KIAA0753: variants seen among roughly 807,000 people sequenced by gnomAD.
The protein encoded by KIAA0753 is KIAA0753, also known as protein moonraker.
Under a neutral mutation model 116.9 loss-of-function variants are expected in KIAA0753, and 114 were observed. The ratio of observed to expected loss-of-function variants is 0.98; its 90% CI spans 0.84 to 1.14. The LOEUF is 1.14. KIAA0753 is among the 50% of genes most tolerant of loss of function. KIAA0753 has a pLI of 0.00. For synonymous variants in KIAA0753, 405 were observed against 413.1 expected (o/e 0.98, Z 0.24); for missense variants, 1,156 against 1,172.4 (o/e 0.99, Z 0.20).
chr17:6,610,021 G>C lies in KIAA0753; in HGVS notation c.1685C>G (p.Pro562Arg). ...TTTAGGAGACGCTGGTGGGGATGTGGGGTTTGGGGGTATCCATGGTGCCTT... is the reference window on the plus strand; with the variant it reads ...TTTAGGAGACGCTGGTGGGGATGTGCGGTTTGGGGGTATCCATGGTGCCTT... ...DRKAPWIPPN[P>R]TSPPASPKCA... Residue 562 changes from proline (P) to arginine (R), a missense_variant, in exon 9 of 19, where the codon CCC becomes CGC. Pro to Arg is a moderately radical substitution (Grantham distance 103). Coordinates refer to ENST00000361413, the MANE Select transcript of KIAA0753 (RefSeq NM_014804.3). The C allele has an allele frequency of 6.2e-7, 1 of 1,614,084 alleles. No homozygotes were observed. The highest frequency in any genetic ancestry group is 8.5e-7 in the Non-Finnish European group (1 of 1,179,980).
intron 7 of KIAA0753, among the ~76,000 whole-genome samples, chr17:6,614,032 T>C (rs111306369): frequency 2.0e-5 from 3 of 152,054 alleles, no homozygotes; most frequent in South Asian, 2.1e-4. Context: ...AATAGAGAAA[T>C]AGACAAAGAA....
intron 9 of KIAA0753, among the ~76,000 whole-genome samples, chr17:6,609,670 C>T (rs528352652): frequency 1.3e-5 from 2 of 152,264 alleles, no homozygotes; most frequent in Admixed American, 6.5e-5. Flanking sequence ...ATAAAAAAGA[C>T]ACAGTCCCTG....
At chr17:6,583,767 GCA>G (rs1381244371) in intron 18 of KIAA0753, among the ~76,000 whole-genome samples, 1 of 152,046 alleles carries the variant, frequency 6.6e-6, no homozygotes, top group East Asian at 1.9e-4. Context: ...AATGCACTAG[GCA>G]CAGTTATTTT....
intron 16 of KIAA0753, among the ~76,000 whole-genome samples, chr17:6,594,053 ACTAAT>A (rs1654713325): frequency 6.6e-6 from 1 of 152,206 alleles, no homozygotes; most frequent in Non-Finnish European, 1.5e-5. Context: ...TTAAACACAA[ACTAAT>A]CTAATGATCT....
intron 2 of KIAA0753, among the ~76,000 whole-genome samples, chr17:6,629,996 C>T (rs1971922066): frequency 6.6e-6 from 1 of 152,080 alleles, no homozygotes; most frequent in Admixed American, 6.6e-5. Flanking sequence ...ATGGCACATG[C>T]CTGTAATCCC....
At position 6,624,857 on chromosome 17, in the gene KIAA0753, T is replaced by C; in HGVS notation, c.723A>G (p.Arg241=). ...CATCTGGATCCAAAGCTTCTTCTAGTCTATCTGAAAATATTAATAGTTTTC... is the reference window on the plus strand; with the variant it reads ...CATCTGGATCCAAAGCTTCTTCTAGCCTATCTGAAAATATTAATAGTTTTC... The part of the protein sequence containing the change: ...HKIEEVTKKD[R]LEEALDPDEE... The change falls in exon 4 of 19, where the codon AGA becomes AGG. Residue 241 remains arginine, a synonymous_variant. Coordinates refer to ENST00000361413, the MANE Select transcript of KIAA0753 (RefSeq NM_014804.3). The C allele has an allele frequency of 6.4e-7, 1 of 1,551,274 alleles. No individual in the cohort carries two copies. Among genetic ancestry groups the C allele is most frequent in the South Asian group, 1.2e-5 (1 of 84,360 alleles).
intron 18 of KIAA0753, among the ~76,000 whole-genome samples, chr17:6,581,963 G>A (rs1392968312): frequency 6.6e-6 from 1 of 152,140 alleles, no homozygotes; most frequent in African/African-American, 2.4e-5. Context: ...CCTCTTCATG[G>A]AGAACGGTAT....
chr17:6,628,834 A>T, intron 2 of KIAA0753, 93 bp from the exon 3 acceptor site: 2 of 1,292,454 alleles, frequency 1.5e-6, no homozygotes, highest in Non-Finnish European at 2.1e-6. Context: ...AAATTTTGCC[A>T]CCAGATCATT....
chr17:6,625,422 T>C (rs1244985303), intron 3 of KIAA0753, among the ~76,000 whole-genome samples: 1 of 152,012 alleles, frequency 6.6e-6, no homozygotes, highest in East Asian at 1.9e-4. Flanking sequence ...ATCCCAGCAC[T>C]TTGGGAGGCT....
In KIAA0753 at chr17:6,610,140, T is replaced by C. The variant is rs1271565057; in HGVS notation, c.1566A>G (p.Arg522=). ...TACTGTGAGGTTGGCTTTGTCTACCTCTTTCAGCTTTGCGGAGTCCCTGTG... is the reference window on the plus strand; with the variant it reads ...TACTGTGAGGTTGGCTTTGTCTACCCCTTTCAGCTTTGCGGAGTCCCTGTG... ...ARQQGLRKAE[R]GRQSQPHSKS... is the part of the protein sequence containing the mutation. The change falls in exon 9 of 19, where the codon AGA becomes AGG. Residue 522 remains arginine, a synonymous_variant. Transcript: ENST00000361413. The C allele has an allele frequency of 1.2e-6, 2 of 1,614,180 alleles. No homozygotes were observed. Among genetic ancestry groups the C allele is most frequent in the South Asian group, 1.1e-5 (1 of 91,082 alleles).
chr17:6,622,777 A>T, intron 6 of KIAA0753, 105 bp downstream of exon 6: 1 of 934,366 alleles, frequency 1.1e-6, no homozygotes, highest in Non-Finnish European at 1.7e-6. Context: ...TTAATTCACT[A>T]GGTAATGGCT....
rs773853108 is a variant in KIAA0753 at position 6,607,267 on chromosome 17, G to A, written c.1833C>T (p.Leu611=). The A allele has an allele frequency of 1.3e-5, 21 of 1,613,812 alleles. No homozygotes were observed. The highest frequency in any genetic ancestry group is 5.0e-5 in the Admixed American group (3 of 60,018). The change falls in exon 11 of 19, where the codon CTC becomes CTT. Residue 611 remains leucine, a synonymous_variant. Transcript: ENST00000361413. ...TGGAAGTTTCAGCATCAAGCCAAGC[G>A]AGCCTAGCAGACAGTCAAAAGAGTC... The part of the protein sequence containing the change: ...TGAVEHEAAR[L]AWLDAETSKR...
chr17:6,623,220 T>A (rs564471030), intron 5 of KIAA0753, 123 bp from the exon 6 acceptor site: 40 of 987,390 alleles, frequency 4.1e-5, no homozygotes, highest in Non-Finnish European at 5.7e-5. Context: ...TTGTGAAAAC[T>A]TTTTCATAGT....
At chr17:6,581,678 T>C (rs117142560) in intron 18 of KIAA0753, among the ~76,000 whole-genome samples, 6 of 152,370 alleles carry the variant, frequency 3.9e-5, no homozygotes, top group East Asian at 3.8e-4. Context: ...CTTTTACTTA[T>C]GTATTCATTC....
chr17:6,630,919 A>C (rs1229808925), intron 2 of KIAA0753, among the ~76,000 whole-genome samples: 1 of 152,250 alleles, frequency 6.6e-6, no homozygotes, highest in East Asian at 1.9e-4. Context: ...GTGCAAAAAG[A>C]AACAGAAAAC....
chr17:6,620,591 T>C (rs949149019), intron 7 of KIAA0753, among the ~76,000 whole-genome samples, 197 bp downstream of exon 7: 4 of 152,150 alleles, frequency 2.6e-5, no homozygotes, highest in Non-Finnish European at 4.4e-5. Flanking sequence ...AAAGGAAATG[T>C]TACTTTCTCA....
In KIAA0753 at chr17:6,632,938, T is replaced by C. The variant is rs568852346; in HGVS notation, c.93+2073A>G. 2.6e-5 allele frequency among the ~76,000 whole-genome samples: 4 copies of C among 152,346 alleles called. No individual in the cohort carries two copies. The South Asian group carries it at 8.3e-4, about 32-fold the overall frequency. On this transcript the variant is annotated intron_variant, in intron 2 of 18. Coordinates refer to ENST00000361413, the MANE Select transcript of KIAA0753 (RefSeq NM_014804.3). Reference sequence around the variant, plus strand: ...AGACTACAGAGGCATGACAATGTAATGCACCTTATGATCTTGGATTTTCTT... The same window carrying C: ...AGACTACAGAGGCATGACAATGTAACGCACCTTATGATCTTGGATTTTCTT...
chr17:6,629,905 G>A (rs914290702), intron 2 of KIAA0753, among the ~76,000 whole-genome samples: 1 of 152,180 alleles, frequency 6.6e-6, no homozygotes, highest in Admixed American at 6.5e-5. Flanking sequence ...TGTCATTTGA[G>A]GTCAGGAGTT....
chr17:6,608,668 G>A (rs764171602), intron 9 of KIAA0753, among the ~76,000 whole-genome samples: 5 of 152,186 alleles, frequency 3.3e-5, no homozygotes. Flanking sequence ...ATTCTCCTTT[G>A]CTTCAAAGAA....
Sources: gnomAD v4.1 joint callset for allele counts (sites outside exome capture counted in the v4.1 genomes callset) on GRCh38, gnomAD v4.1.1 for gene constraint, MANE v1.5 for transcripts, NCBI Gene and HGNC (gene_info 2026-07-23, HGNC 2026-07-21) for gene names.